Variants in TMEM45A observed in about 807,000 individuals in gnomAD.
The protein encoded by TMEM45A is transmembrane protein 45A, also known as DNA polymerase-transactivated protein 4.
Under a neutral mutation model 32.0 loss-of-function variants are expected in TMEM45A, and 25 were observed. That is an observed-to-expected ratio of 0.78 (90% CI 0.57 to 1.09). The LOEUF (loss-of-function observed/expected upper bound fraction) is 1.09. TMEM45A is among the 50% of genes least tolerant of loss of function. The pLI, the probability that TMEM45A is intolerant of heterozygous loss-of-function variation, is 0.00. For synonymous variants in TMEM45A, 122 were observed against 114.8 expected, an observed-to-expected ratio of 1.06 and a Z score of -0.40; for missense variants, 302 against 325.0, an observed-to-expected ratio of 0.93 and a Z score of 0.54.
chr3:100,501,255 C>T (rs1559632619), intron 1 of TMEM45A, among the ~76,000 whole-genome samples: 1 of 152,192 alleles, frequency 6.6e-6, no homozygotes, highest in Non-Finnish European at 1.5e-5. Flanking sequence ...CCTGTGGTAC[C>T]TAACCAATGT....
intron 1 of TMEM45A, among the ~76,000 whole-genome samples, chr3:100,507,362 C>A (rs1708092711): frequency 6.6e-6 from 1 of 152,146 alleles, no homozygotes; most frequent in South Asian, 2.1e-4. Flanking sequence ...CACTAAGTTT[C>A]TTAAAATATT....
At chr3:100,518,046 G>A (rs1278526032) in intron 1 of TMEM45A, among the ~76,000 whole-genome samples, 1 of 152,202 alleles carries the variant, frequency 6.6e-6, no homozygotes, top group Non-Finnish European at 1.5e-5. Flanking sequence ...ATGGGGTTTA[G>A]GAGGGTCTGC....
At position 100,577,024 on chromosome 3, in the gene TMEM45A, A is replaced by G. The variant is rs1228892533; in HGVS notation, c.*6A>G. On this transcript the variant is annotated 3_prime_UTR_variant, in exon 6 of 6. Transcript: ENST00000323523. ...AATCAGAAGAAGAAATGTGACTTTG[A>G]TGAGCTTCCAGTTTTTCTAGATAAA... is the stretch of plus-strand genomic sequence containing the variant. 1 of 1,607,500 alleles carries G rather than the reference A, an allele frequency of 6.2e-7. No individual in the cohort carries two copies. Among genetic ancestry groups the G allele is most frequent in the South Asian group, 1.1e-5 (1 of 90,194 alleles).
At chr3:100,493,886 C>A (rs987400476) in intron 1 of TMEM45A, among the ~76,000 whole-genome samples, 1 of 152,034 alleles carries the variant, frequency 6.6e-6, no homozygotes, top group East Asian at 1.9e-4. Context: ...TGGCTGCCAC[C>A]GTGCCCAGCT....
rs1706113795 is a variant in TMEM45A at position 100,551,941 on chromosome 3, T to G, written c.-3-3268T>G. ...TCCCCATTGCCTCCTTATTACATCC[T>G]GATGGATGTGCTGAGATATACTGAT... On this transcript the variant is annotated intron_variant, in intron 1 of 5. Transcript: ENST00000323523. Among the ~76,000 whole-genome samples the G allele has an allele frequency of 2.6e-5, 4 of 152,134 alleles. No homozygotes were observed. In the South Asian group the frequency reaches 8.3e-4, roughly 32 times the overall value.
chr3:100,527,004 G>T (rs1477737233), intron 1 of TMEM45A, among the ~76,000 whole-genome samples: 1 of 152,062 alleles, frequency 6.6e-6, no homozygotes, highest in Non-Finnish European at 1.5e-5. Flanking sequence ...TTTTAAAATA[G>T]GTATTTAAAA....
intron 1 of TMEM45A, among the ~76,000 whole-genome samples, chr3:100,498,272 G>A (rs928739329): frequency 1.3e-5 from 2 of 152,088 alleles, no homozygotes; most frequent in Non-Finnish European, 2.9e-5. Flanking sequence ...CCCAGTCTTG[G>A]GTATTTCTTC....
At chr3:100,512,958 G>A (rs554821826) in intron 1 of TMEM45A, among the ~76,000 whole-genome samples, 173 of 151,106 alleles carry the variant, frequency 1.1e-3, no homozygotes, top group African/African-American at 3.8e-3. Flanking sequence ...ACCAATAACA[G>A]GATCTGAAAT....
At position 100,576,618 on chromosome 3, in the gene TMEM45A, T is replaced by G. The variant is rs939922444; in HGVS notation, c.735-307T>G. On this transcript the variant is annotated intron_variant, in intron 5 of 5. Transcript: ENST00000323523. ...CTGGGTGACAGAGCAAGACTCTGTC[T>G]CATAAAAAAAAATAGAAAAGAAAAG... Among the ~76,000 whole-genome samples, 7 of 151,530 alleles carry G rather than the reference T, an allele frequency of 4.6e-5. No individual in the cohort carries two copies. In the East Asian group the frequency reaches 1.4e-3, roughly 29 times the overall value.
chr3:100,559,620 T>C (rs138803899), intron 4 of TMEM45A, among the ~76,000 whole-genome samples: 14 of 152,132 alleles, frequency 9.2e-5, no homozygotes, highest in African/African-American at 3.1e-4. Context: ...TAAAATATTA[T>C]ATAAAATCTA....
chr3:100,555,580 C>T (rs1335831039), intron 2 of TMEM45A, among the ~76,000 whole-genome samples, 179 bp downstream of exon 2: 1 of 152,168 alleles, frequency 6.6e-6, no homozygotes, highest in African/African-American at 2.4e-5. Context: ...GGAAAAGCTT[C>T]AGTAATAAAT....
rs542702140 is a variant in TMEM45A at position 100,556,760 on chromosome 3, G to T, written c.191G>T (p.Gly64Val). The T allele has an allele frequency of 6.2e-7, 1 of 1,611,840 alleles. No homozygotes were observed. The highest frequency in any genetic ancestry group is 1.3e-5 in the African/African-American group (1 of 75,012). ...AAAACTGTGATATGTTTCTTGGCAG[G>T]CATGGCTGGGGAGCAGTTTATTCCT... ...GITIVGMALT[G>V]MAGEQFIPGG... Residue 64 changes from glycine (G) to valine (V), a missense_variant and splice_region_variant, in exon 3 of 6, where the codon GGC becomes GTC. By Grantham distance (109) the Gly-to-Val change is moderately radical (BLOSUM62 -3). Transcript: ENST00000323523.
rs146053874 is a variant in TMEM45A at position 100,558,544 on chromosome 3, A to G, written c.543A>G (p.Leu181=). 1 of 1,614,084 alleles carries G rather than the reference A, an allele frequency of 6.2e-7. No individual in the cohort carries two copies. Among genetic ancestry groups the G allele is most frequent in the Non-Finnish European group, 8.5e-7 (1 of 1,179,970 alleles). The change falls in exon 4 of 6, where the codon CTA becomes CTG. Residue 181 remains leucine (L), a synonymous_variant. Coordinates refer to ENST00000323523, the MANE Select transcript of TMEM45A (RefSeq NM_018004.3). ...TTCGGAACAATGTACTTCTGGAGCTATTGCGGTCAAGTCTCATTCTGCTTC... is the reference window on the plus strand; with the variant it reads ...TTCGGAACAATGTACTTCTGGAGCTGTTGCGGTCAAGTCTCATTCTGCTTC... ...FLVRNNVLLE[L]LRSSLILLQG...
At position 100,500,473 on chromosome 3, in the gene TMEM45A, C is replaced by T. The variant is rs532585436; in HGVS notation, c.-4+7545C>T. Among the ~76,000 whole-genome samples, 8 of 151,912 alleles carry T rather than the reference C, an allele frequency of 5.3e-5. No individual in the cohort carries two copies. The East Asian group carries it at 6.1e-4, about 12-fold the overall frequency. On this transcript the variant is annotated intron_variant, in intron 1 of 5. Transcript: ENST00000323523. ...GTGGTATTGGGTTACATTTGTTGAACGAGGCCTGTTTGCCCTGTTCCCTCT... is the reference window on the plus strand; with the variant it reads ...GTGGTATTGGGTTACATTTGTTGAATGAGGCCTGTTTGCCCTGTTCCCTCT...
intron 1 of TMEM45A, among the ~76,000 whole-genome samples, chr3:100,553,611 A>G (rs774943788): frequency 1.3e-5 from 2 of 152,226 alleles, no homozygotes; most frequent in Non-Finnish European, 2.9e-5. Flanking sequence ...ACACTGTGAT[A>G]AAGGTGGTGG....
chr3:100,503,258 A>G (rs1708032506), intron 1 of TMEM45A, among the ~76,000 whole-genome samples: 1 of 152,088 alleles, frequency 6.6e-6, no homozygotes, highest in African/African-American at 2.4e-5. Flanking sequence ...GGCACACACC[A>G]CCACACCCAG....
At chr3:100,539,483 A>C in intron 1 of TMEM45A, among the ~76,000 whole-genome samples, 1 of 142,016 alleles carries the variant, frequency 7.0e-6, no homozygotes, top group Non-Finnish European at 1.5e-5. Flanking sequence ...GTATATGTAT[A>C]TGTATATGTA....
intron 1 of TMEM45A, among the ~76,000 whole-genome samples, chr3:100,526,206 G>C (rs1705541867): frequency 6.6e-6 from 1 of 152,132 alleles, no homozygotes; most frequent in African/African-American, 2.4e-5. Flanking sequence ...CTGTGTGCTG[G>C]GAGCTTCTGG....
rs551236738 is a variant in TMEM45A, at chr3:100,509,740, G to T, written c.-4+16812G>T. On this transcript the variant is annotated intron_variant, in intron 1 of 5. Coordinates refer to ENST00000323523, the MANE Select transcript of TMEM45A (RefSeq NM_018004.3). ...TCTCACTAGGGAGTGCCAGACAGTG[G>T]GTGCAGGTCAGTGGGTGCGCGCACC... 2.8e-3 allele frequency among the ~76,000 whole-genome samples: 420 copies of T among 152,252 alleles called. 1 individual carries two copies. The highest frequency in any genetic ancestry group is 4.3e-3 in the Non-Finnish European group (290 of 68,014).
Sources: allele counts gnomAD v4.1 joint callset (sites outside exome capture counted in the v4.1 genomes callset), GRCh38; gene constraint gnomAD v4.1.1; transcripts MANE v1.5; gene names NCBI Gene and HGNC (gene_info 2026-07-23, HGNC 2026-07-21).